The following PDE6D variants were observed in gnomAD, a reference collection of about 807,000 sequenced individuals.
PDE6D encodes phosphodiesterase 6D.
PDE6D carries 10 observed loss-of-function variants against 21.9 expected under a neutral mutation model. The ratio of observed to expected loss-of-function variants is 0.46; its 90% confidence interval spans 0.28 to 0.78. The LOEUF (loss-of-function observed/expected upper bound fraction) is 0.78, where lower values mean the gene tolerates loss of function less well. Ranked by LOEUF, PDE6D falls within the 30% of genes least tolerant of loss-of-function variation. The probability of loss-of-function intolerance (pLI) is 0.12; values close to 1 mark genes in which losing one functional copy is unlikely to be tolerated. For missense variants in PDE6D, 139 were observed against 184.8 expected, an observed-to-expected ratio of 0.75 and a Z score of 1.44; for synonymous variants, 59 against 63.5, an observed-to-expected ratio of 0.93 and a Z score of 0.34.
intron 1 of PDE6D, among the ~76,000 whole-genome samples, chr2:231,754,497 C>T (rs1029417040): frequency 1.4e-4 from 21 of 150,856 alleles, no homozygotes; most frequent in African/African-American, 5.1e-4. Context: ...GCTGGGGTTA[C>T]AGGCGCCCAC....
At chr2:231,767,858 A>G (rs962914895) in intron 1 of PDE6D, among the ~76,000 whole-genome samples, 10 of 143,132 alleles carry the variant, frequency 7.0e-5, no homozygotes, top group Non-Finnish European at 1.1e-4. Flanking sequence ...TTTTTTTTCC[A>G]GACAAGTTCT....
chr2:231,734,169 A>C (rs974539841), intron 4 of PDE6D, among the ~76,000 whole-genome samples: 4 of 151,914 alleles, frequency 2.6e-5, no homozygotes, highest in Non-Finnish European at 4.4e-5. Context: ...AGCCGAGATC[A>C]CGCCACTGCA....
intron 4 of PDE6D, among the ~76,000 whole-genome samples, chr2:231,733,242 C>A (rs2048666440): frequency 1.3e-5 from 2 of 152,166 alleles, no homozygotes; most frequent in Admixed American, 6.5e-5. Flanking sequence ...TCATCCCTGT[C>A]AAGCTCACAA....
chr2:231,780,528 G>GGGGGT (rs1574640516), intron 1 of PDE6D, among the ~76,000 whole-genome samples: 1 of 152,174 alleles, frequency 6.6e-6, no homozygotes, highest in Middle Eastern at 3.2e-3. Flanking sequence ...GAAACCAGAC[G>GGGGGT]GGGGTGGGGT....
chr2:231,768,976 C>A (rs1420060092), intron 1 of PDE6D, among the ~76,000 whole-genome samples: 2 of 152,298 alleles, frequency 1.3e-5, no homozygotes, highest in Non-Finnish European at 2.9e-5. Flanking sequence ...TTAAGCGATT[C>A]TCCTGTCTCA....
chr2:231,733,139 T>A, intron 4 of PDE6D, 106 bp from the exon 5 acceptor site: 1 of 750,030 alleles, frequency 1.3e-6, no homozygotes, highest in Non-Finnish European at 2.4e-6. Flanking sequence ...CCAATGGACA[T>A]GCACCCACCC....
chr2:231,750,201 G>C (rs2048826824), intron 1 of PDE6D, among the ~76,000 whole-genome samples: 1 of 152,174 alleles, frequency 6.6e-6, no homozygotes, highest in Non-Finnish European at 1.5e-5. Flanking sequence ...CTCCCGCCAT[G>C]ATTGTGAGGT....
chr2:231,762,745 A>G (rs540234813), intron 1 of PDE6D, among the ~76,000 whole-genome samples: 1 of 152,246 alleles, frequency 6.6e-6, no homozygotes, highest in Admixed American at 6.5e-5. Flanking sequence ...GTTTTTCATA[A>G]AAATATTTCT....
intron 1 of PDE6D, among the ~76,000 whole-genome samples, chr2:231,763,780 C>T (rs1276327921): frequency 6.6e-6 from 1 of 151,678 alleles, no homozygotes; most frequent in Admixed American, 6.6e-5. Flanking sequence ...GGACTACAGG[C>T]ATGTGCCACC....
intron 1 of PDE6D, among the ~76,000 whole-genome samples, chr2:231,780,082 G>C (rs1007100589): frequency 1.3e-5 from 2 of 152,170 alleles, no homozygotes; most frequent in Non-Finnish European, 2.9e-5. Flanking sequence ...GAATATCCAA[G>C]TTTGCATTTT....
At chr2:231,768,391 T>TTTG (rs1217496474) in intron 1 of PDE6D, among the ~76,000 whole-genome samples, 2 of 151,912 alleles carry the variant, frequency 1.3e-5, no homozygotes, top group African/African-American at 4.8e-5. Context: ...TGATAATCCT[T>TTTG]TTGTTGTTGT....
chr2:231,739,073 C>G lies in PDE6D; in HGVS notation c.139+27G>C. ...TGCTAGTCTGGCATTGGTCACAGCC[C>G]TGTGTAGATAAAGGGTTGGAAAGTA... is the stretch of plus-strand genomic sequence containing the variant. On this transcript the variant is annotated intron_variant, in intron 2 of 4. Coordinates refer to ENST00000287600, the MANE Select transcript of PDE6D (RefSeq NM_002601.4). This position sits in a 1 kb window ranked among gnomAD's most constrained non-coding sequence, Gnocchi z 4.2. 6.8e-7 allele frequency: 1 copy of G among 1,468,450 alleles called. No individual in the cohort carries two copies. The highest frequency in any genetic ancestry group is 9.5e-7 in the Non-Finnish European group (1 of 1,047,500). The allele number at this position is 1,468,450 out of a possible 1,614,324, so 91.0% of individuals were successfully genotyped here.
chr2:231,757,994 T>C (rs953518049), intron 1 of PDE6D, among the ~76,000 whole-genome samples: 1 of 152,176 alleles, frequency 6.6e-6, no homozygotes, highest in Non-Finnish European at 1.5e-5. Context: ...ATAACTGTAA[T>C]CTTATAACCC....
chr2:231,746,145 CTTTAT>C (rs941220091), intron 1 of PDE6D, among the ~76,000 whole-genome samples: 5 of 151,870 alleles, frequency 3.3e-5, no homozygotes, highest in Admixed American at 1.3e-4. Context: ...TTTTATTTTA[CTTTAT>C]TTTATTTTTG....
chr2:231,748,100 GA>G (rs1227355937), intron 1 of PDE6D, among the ~76,000 whole-genome samples: 1 of 152,126 alleles, frequency 6.6e-6, no homozygotes, highest in East Asian at 1.9e-4. Context: ...GGGCGTTGCT[GA>G]AAAGATACCT....
intron 1 of PDE6D, among the ~76,000 whole-genome samples, chr2:231,768,444 G>A (rs1275418033): frequency 6.6e-6 from 1 of 151,950 alleles, no homozygotes; most frequent in Non-Finnish European, 1.5e-5. Context: ...ATGCTGGAGT[G>A]CGGTGGCGTG....
chr2:231,772,959 C>T (rs568202403), intron 1 of PDE6D, among the ~76,000 whole-genome samples: 2 of 152,238 alleles, frequency 1.3e-5, no homozygotes, highest in African/African-American at 2.4e-5. Context: ...TAAGTAAGGC[C>T]GGGCGTGGTG....
At chr2:231,770,651 C>T (rs1414077840) in intron 1 of PDE6D, among the ~76,000 whole-genome samples, 1 of 151,828 alleles carries the variant, frequency 6.6e-6, no homozygotes. Context: ...AATCTGGTCT[C>T]TAAAAAAATA....
chr2:231,749,937 C>T lies in PDE6D; in HGVS notation c.51-10749G>A, dbSNP rs555624756. ...TGACTGGTTTTGAAGTGTGAGGACA[C>T]GAGATTTGGAGAGGCCAGGGCAGAA... On this transcript the variant is annotated intron_variant, in intron 1 of 4. Coordinates refer to ENST00000287600, the MANE Select transcript of PDE6D (RefSeq NM_002601.4). Among the ~76,000 whole-genome samples, 47 of 152,120 alleles carry T rather than the reference C, an allele frequency of 3.1e-4. 1 individual carries two copies. The South Asian group carries it at 9.1e-3, about 30-fold the overall frequency.
Sources: gnomAD v4.1 joint callset for allele counts (sites outside exome capture counted in the v4.1 genomes callset) on GRCh38, gnomAD v4.1.1 for gene constraint, Gnocchi (gnomAD v3.1) non-coding constraint, MANE v1.5 for transcripts, NCBI Gene and HGNC (gene_info 2026-07-23, HGNC 2026-07-21) for gene names.